METTL22: variants seen among roughly 807,000 people sequenced by gnomAD.
METTL22 encodes methyltransferase-like protein 22.
Under a neutral mutation model 48.4 loss-of-function variants are expected in METTL22, and 51 were observed. The ratio of observed to expected loss-of-function variants is 1.05; its 90% CI spans 0.84 to 1.33. The LOEUF (loss-of-function observed/expected upper bound fraction) is 1.33, where lower values mean the gene tolerates loss of function less well. Ranked by LOEUF, METTL22 falls within the 40% of genes most tolerant of loss-of-function variation. METTL22 has a pLI of 0.00. For synonymous variants in METTL22, 255 were observed against 214.1 expected (o/e 1.19, Z -1.67); for missense variants, 678 against 526.9 (o/e 1.29, Z -2.81).
the METTL22 span, among the ~76,000 whole-genome samples, chr16:8,665,731 C>T: frequency 5.8e-3 from 887 of 152,284 alleles, 8 homozygotes; most frequent in Non-Finnish European, 0.01. Flanking sequence ...ATACCTGGCA[C>T]CAGAAGACCA....
In METTL22 at chr16:8,646,163, G is replaced by T; in HGVS notation, c.*20G>T. ...ACATGACCCATCGCCTCCACAAGGC[G>T]CGGCGTCTCGACTGTTCTTAGAGTG... On this transcript the variant is annotated 3_prime_UTR_variant, in exon 11 of 11. Coordinates refer to ENST00000381920, the MANE Select transcript of METTL22 (RefSeq NM_024109.4). The T allele has an allele frequency of 1.9e-6, 3 of 1,614,014 alleles. No homozygotes were observed. Among genetic ancestry groups the T allele is most frequent in the Non-Finnish European group, 2.5e-6 (3 of 1,179,886 alleles).
At chr16:8,638,867 G>A (rs956032804) in intron 5 of METTL22, among the ~76,000 whole-genome samples, 1 of 152,188 alleles carries the variant, frequency 6.6e-6, no homozygotes, top group African/African-American at 2.4e-5. Flanking sequence ...TCTGGAATGC[G>A]CACTGTCTCT....
chr16:8,645,905 C>A, intron 10 of METTL22: 1 of 984,812 alleles, frequency 1.0e-6, no homozygotes, highest in African/African-American at 3.9e-5. Context: ...TTCATCCATC[C>A]AGCCTCTCTG....
chr16:8,658,280 T>C, the METTL22 span, among the ~76,000 whole-genome samples: 2 of 152,220 alleles, frequency 1.3e-5, no homozygotes, highest in African/African-American at 4.8e-5. Flanking sequence ...TTTGGAGGCG[T>C]GAGTCCCTGC....
the METTL22 span, among the ~76,000 whole-genome samples, chr16:8,660,965 G>A: frequency 6.6e-6 from 1 of 151,992 alleles, no homozygotes. Flanking sequence ...CAGGGATCCG[G>A]ACTCTGGCCC....
chr16:8,645,709 A>AC (rs1376799075), intron 10 of METTL22, among the ~76,000 whole-genome samples: 3 of 152,184 alleles, frequency 2.0e-5, no homozygotes, highest in African/African-American at 4.8e-5. Context: ...CCAGAAGTTC[A>AC]AGGCTGCAGC....
chr16:8,651,355 C>G (rs1374286909), downstream of METTL22, among the ~76,000 whole-genome samples: 1 of 109,204 alleles, frequency 9.2e-6, no homozygotes, highest in Non-Finnish European at 1.7e-5. Flanking sequence ...CCACTGCACT[C>G]CAGCCTGGGC....
In METTL22 at chr16:8,646,173, G is replaced by A. The variant is rs761080668; in HGVS notation, c.*30G>A. ...TCGCCTCCACAAGGCGCGGCGTCTCGACTGTTCTTAGAGTGTATTTCTAGT... is the reference window on the plus strand; with the variant it reads ...TCGCCTCCACAAGGCGCGGCGTCTCAACTGTTCTTAGAGTGTATTTCTAGT... On this transcript the variant is annotated 3_prime_UTR_variant, in exon 11 of 11. Transcript: ENST00000381920. 84 of 1,613,334 alleles carry A rather than the reference G, an allele frequency of 5.2e-5. No individual in the cohort carries two copies. Among genetic ancestry groups the A allele is most frequent in the Middle Eastern group, 1.6e-4 (1 of 6,082 alleles).
chr16:8,625,144 C>T (rs1160583897), intron 1 of METTL22, among the ~76,000 whole-genome samples: 1 of 151,982 alleles, frequency 6.6e-6, no homozygotes, highest in African/African-American at 2.4e-5. Context: ...GGGAAATGCT[C>T]TTAGGGGACA....
downstream of METTL22, among the ~76,000 whole-genome samples, chr16:8,653,108 C>T (rs1311752757): frequency 3.9e-5 from 6 of 152,192 alleles, no homozygotes; most frequent in Non-Finnish European, 8.8e-5. Flanking sequence ...ATCCCAGCTT[C>T]AACCAGGGAG....
intron 3 of METTL22, among the ~76,000 whole-genome samples, chr16:8,630,868 G>C (rs144527994): frequency 6.6e-6 from 1 of 152,144 alleles, no homozygotes; most frequent in African/African-American, 2.4e-5. Context: ...GTAGTAATTC[G>C]TGATTATTTC....
chr16:8,623,427 A>G (rs1247526703), intron 1 of METTL22, among the ~76,000 whole-genome samples: 1 of 152,062 alleles, frequency 6.6e-6, no homozygotes, highest in Non-Finnish European at 1.5e-5. Context: ...AAAAAACTGT[A>G]TGTGAAAGTC....
In METTL22 at chr16:8,635,067, T is replaced by G; in HGVS notation, c.543T>G (p.Asp181Glu). The G allele has an allele frequency of 6.2e-7, 1 of 1,613,870 alleles. No individual in the cohort carries two copies. Among genetic ancestry groups the G allele is most frequent in the East Asian group, 2.2e-5 (1 of 44,882 alleles). Residue 181 changes from aspartate to glutamate, a missense_variant, in exon 4 of 11, where the codon GAT becomes GAG. Coordinates refer to ENST00000381920, the MANE Select transcript of METTL22 (RefSeq NM_024109.4). The stretch of plus-strand genomic sequence containing the variant: ...ACACCATGGCCACGCCCCTGGAGGA[T>G]GTTGGCAAGCAGGTGGGTAGGTCTT... Reference protein sequence around the residue: ...IEHTMATPLEDVGKQVWRGAL... With the variant: ...IEHTMATPLEEVGKQVWRGAL...
intron 8 of METTL22, 71 bp downstream of exon 8, chr16:8,642,278 T>C: frequency 7.1e-7 from 1 of 1,416,140 alleles, no homozygotes; most frequent in Non-Finnish European, 1.0e-6. Context: ...CTCTCCTCAC[T>C]TCCCCCGGGA....
intron 1 of METTL22, among the ~76,000 whole-genome samples, chr16:8,622,445 A>C (rs1596325658): frequency 6.6e-6 from 1 of 152,262 alleles, no homozygotes; most frequent in East Asian, 1.9e-4. Flanking sequence ...TGCAGGGATG[A>C]GCCTGCAGCC....
chr16:8,645,040 A>G, intron 10 of METTL22: 1 of 211,294 alleles, frequency 4.7e-6, no homozygotes, highest in South Asian at 1.6e-4. Flanking sequence ...GGGGAACAGG[A>G]AGTCAGTGGA....
At position 8,635,061 on chromosome 16, in the gene METTL22, G is replaced by C. The variant is rs962324832; in HGVS notation, c.537G>C (p.Leu179=). Reference sequence around the variant, plus strand: ...CAGAGCACACCATGGCCACGCCCCTGGAGGATGTTGGCAAGCAGGTGGGTA... The same window carrying C: ...CAGAGCACACCATGGCCACGCCCCTCGAGGATGTTGGCAAGCAGGTGGGTA... ...IRIEHTMATP[L]EDVGKQVWRG... The change falls in exon 4 of 11, where the codon CTG becomes CTC. Residue 179 remains leucine (L), a synonymous_variant. Transcript: ENST00000381920. 2 of 1,613,696 alleles carry C rather than the reference G, an allele frequency of 1.2e-6. No homozygotes were observed. Among genetic ancestry groups the C allele is most frequent in the African/African-American group, 2.7e-5 (2 of 74,886 alleles).
At chr16:8,652,499 G>A (rs2056914164), downstream of METTL22, among the ~76,000 whole-genome samples, 1 of 143,144 alleles carries the variant, frequency 7.0e-6, no homozygotes, top group Non-Finnish European at 1.5e-5. Flanking sequence ...GATGTAGTGT[G>A]TGCCCTTGCC....
the METTL22 span, among the ~76,000 whole-genome samples, chr16:8,661,225 G>C: frequency 3.3e-5 from 3 of 92,162 alleles, no homozygotes; most frequent in Non-Finnish European, 5.5e-5. Context: ...CCAACGTGTG[G>C]GTCTACAGTG....
Sources: gnomAD v4.1 joint callset for allele counts (sites outside exome capture counted in the v4.1 genomes callset) on GRCh38, gnomAD v4.1.1 for gene constraint, MANE v1.5 for transcripts, NCBI Gene and HGNC (gene_info 2026-07-23, HGNC 2026-07-21) for gene names.